SYTL5: variants seen among roughly 807,000 people sequenced by gnomAD.
SYTL5 encodes the protein synaptotagmin like 5.
A neutral mutation model predicts 55.9 loss-of-function variants in SYTL5; 34 were observed. The observed-to-expected ratio is 0.61, with a 90% CI of 0.46 to 0.81. The LOEUF is 0.81. Ranked by LOEUF, SYTL5 falls within the 30% of genes least tolerant of loss-of-function variation. The probability of loss-of-function intolerance (pLI) is 0.00; values close to 1 mark genes in which losing one functional copy is unlikely to be tolerated. For missense variants in SYTL5, 637 were observed against 546.7 expected, an observed-to-expected ratio of 1.17 and a Z score of -1.65; for synonymous variants, 221 against 188.7, an observed-to-expected ratio of 1.17 and a Z score of -1.40.
chrX:37,944,534 G>A, the SYTL5 span, among the ~76,000 whole-genome samples: 633 of 111,554 alleles, frequency 5.7e-3, 8 homozygotes, highest in African/African-American at 0.019. Context: ...CCATTCACTT[G>A]TGGAGATGAG....
At chrX:38,035,756 G>A (rs1268927338) in intron 2 of SYTL5, among the ~76,000 whole-genome samples, 3 of 108,277 alleles carry the variant, frequency 2.8e-5, no homozygotes, top group African/African-American at 1.0e-4. Flanking sequence ...TTAGCAGGGC[G>A]TGGTGGTGCA....
intron 9 of SYTL5, among the ~76,000 whole-genome samples, chrX:38,100,628 T>A (rs941914744): frequency 4.5e-5 from 5 of 111,027 alleles, no homozygotes; most frequent in South Asian, 3.7e-4. Flanking sequence ...ATGAAAAAAA[T>A]ATCTAACAAT....
the SYTL5 span, among the ~76,000 whole-genome samples, chrX:37,980,201 G>GT: frequency 4.5e-5 from 5 of 112,062 alleles, no homozygotes; most frequent in African/African-American, 1.6e-4. Flanking sequence ...ATAATGAAGT[G>GT]TTTTTCAGAC....
At chrX:38,060,759 C>A (rs1249863399) in intron 3 of SYTL5, among the ~76,000 whole-genome samples, 1 of 112,276 alleles carries the variant, frequency 8.9e-6, no homozygotes, top group Non-Finnish European at 1.9e-5. Context: ...AAAGATGTAA[C>A]ATAAGTTGTT....
At chrX:38,104,886 T>G (rs568137243) in intron 10 of SYTL5, among the ~76,000 whole-genome samples, 69 of 112,130 alleles carry the variant, frequency 6.2e-4, no homozygotes, top group Middle Eastern at 4.6e-3. Flanking sequence ...ACATTCCACC[T>G]ACCCCAGTGG....
At chrX:37,897,956 T>C in the SYTL5 span, among the ~76,000 whole-genome samples, 1 of 110,892 alleles carries the variant, frequency 9.0e-6, no homozygotes, top group East Asian at 2.8e-4. Flanking sequence ...AAATCAACTG[T>C]GTGTGGAGGT....
the SYTL5 span, among the ~76,000 whole-genome samples, chrX:37,940,600 GTATGTATATATATATATATATA>G: frequency 5.2e-5 from 2 of 38,248 alleles, no homozygotes; most frequent in East Asian, 3.3e-3. Context: ...GGATAGGTGT[GTATGTATATATATATATATATA>G]TATGTATATA....
At chrX:37,915,797 C>A in the SYTL5 span, among the ~76,000 whole-genome samples, 196 of 110,472 alleles carry the variant, frequency 1.8e-3, 1 homozygote, top group African/African-American at 6.1e-3. Context: ...CTGATATATT[C>A]TTGGGGGTTC....
the SYTL5 span, among the ~76,000 whole-genome samples, chrX:37,966,253 CTCTG>C: frequency 1.2e-3 from 131 of 109,928 alleles, 2 homozygotes; most frequent in African/African-American, 4.1e-3. Flanking sequence ...TTCTGTCTCT[CTCTG>C]TCTCTCTTAT....
chrX:37,984,107 C>T, the SYTL5 span, among the ~76,000 whole-genome samples: 1 of 110,722 alleles, frequency 9.0e-6, no homozygotes, highest in Non-Finnish European at 1.9e-5. Context: ...GCAAACTAAA[C>T]TCAAAGCTAG....
chrX:37,915,938 C>T, the SYTL5 span, among the ~76,000 whole-genome samples: 4 of 111,612 alleles, frequency 3.6e-5, no homozygotes, highest in Non-Finnish European at 5.6e-5. Flanking sequence ...TACCTCTAAC[C>T]TTTCATGGAG....
intron 7 of SYTL5, among the ~76,000 whole-genome samples, chrX:38,090,182 G>A (rs1936763781): frequency 8.9e-6 from 1 of 111,972 alleles, no homozygotes. Context: ...CATTTTAGAA[G>A]GCTCTGATTT....
At chrX:37,951,297 A>C in the SYTL5 span, among the ~76,000 whole-genome samples, 1 of 111,941 alleles carries the variant, frequency 8.9e-6, no homozygotes, top group African/African-American at 3.2e-5. Flanking sequence ...TTTTTGAATC[A>C]CATGTATTAA....
At chrX:38,116,134 C>A (rs931469843) in intron 13 of SYTL5, among the ~76,000 whole-genome samples, 1 of 111,788 alleles carries the variant, frequency 8.9e-6, no homozygotes. Flanking sequence ...AGACAAGGGT[C>A]CAATTTCATT....
chrX:38,065,256 AAT>A (rs1569174193), intron 3 of SYTL5, among the ~76,000 whole-genome samples: 2 of 111,688 alleles, frequency 1.8e-5, no homozygotes, highest in African/African-American at 3.3e-5. Context: ...TTTATAAATC[AAT>A]GTTTGTTTAG....
chrX:37,962,277 A>G, the SYTL5 span, among the ~76,000 whole-genome samples: 58 of 110,609 alleles, frequency 5.2e-4, no homozygotes, highest in African/African-American at 1.8e-3. Flanking sequence ...CCTGTGTCCA[A>G]GTGTTCTCAT....
chrX:37,905,030 C>T, the SYTL5 span, among the ~76,000 whole-genome samples: 2 of 111,215 alleles, frequency 1.8e-5, no homozygotes, highest in Non-Finnish European at 3.8e-5. Flanking sequence ...CACACCAGGT[C>T]ATGAGTCAGA....
the SYTL5 span, among the ~76,000 whole-genome samples, chrX:37,967,232 A>C: frequency 1.8e-5 from 2 of 111,351 alleles, no homozygotes; most frequent in Admixed American, 9.5e-5. Context: ...TTGTATTTTT[A>C]GTAGAGACGG....
At chrX:38,108,088 T>G (rs956678995) in intron 11 of SYTL5, among the ~76,000 whole-genome samples, 1 of 111,973 alleles carries the variant, frequency 8.9e-6, no homozygotes, top group Non-Finnish European at 1.9e-5. Context: ...CCCATTACCA[T>G]TGACCCCACT....
Sources: allele counts gnomAD v4.1 joint callset (sites outside exome capture counted in the v4.1 genomes callset), GRCh38; gene constraint gnomAD v4.1.1; transcripts MANE v1.5; gene names NCBI Gene and HGNC (gene_info 2026-07-23, HGNC 2026-07-21).